WASF1: variants seen among roughly 807,000 people sequenced by gnomAD.
WASF1 encodes the protein WASP family member 1, also known as actin-binding protein WASF1.
WASF1 carries 7 observed loss-of-function variants against 50.5 expected under a neutral mutation model. That is an observed-to-expected ratio of 0.14 (90% CI 0.08 to 0.26). WASF1 has a LOEUF of 0.26. WASF1 is among the 10% of genes least tolerant of loss of function. The pLI is 1.00. For missense variants in WASF1, 470 were observed against 694.7 expected (o/e 0.68, Z 3.64); for synonymous variants, 205 against 244.0 (o/e 0.84, Z 1.49).
chr6:110,140,647 G>A (rs1246344193), intron 3 of WASF1, among the ~76,000 whole-genome samples: 1 of 152,124 alleles, frequency 6.6e-6, no homozygotes, highest in East Asian at 1.9e-4. Flanking sequence ...TGGTGTGCGG[G>A]GAAAAACCCC....
At chr6:110,171,487 C>T (rs199513760) in intron 2 of WASF1, among the ~76,000 whole-genome samples, 10,736 of 151,986 alleles carry the variant, frequency 0.071, 491 homozygotes, top group African/African-American at 0.14. Context: ...CAGTTTATAA[C>T]GGGGTTGTAT....
At chr6:110,113,152 G>A (rs1384511063) in intron 5 of WASF1, among the ~76,000 whole-genome samples, 174 bp downstream of exon 5, 4 of 151,970 alleles carry the variant, frequency 2.6e-5, no homozygotes, top group East Asian at 1.9e-4. Context: ...AGAAAAGCCC[G>A]GAGAATCATA....
At chr6:110,112,222 T>A (rs1052858411) in intron 5 of WASF1, among the ~76,000 whole-genome samples, 1 of 152,110 alleles carries the variant, frequency 6.6e-6, no homozygotes, top group Non-Finnish European at 1.5e-5. Flanking sequence ...ATTAGATCTA[T>A]CATATAATTT....
At chr6:110,128,699 G>A (rs1774521372) in intron 3 of WASF1, among the ~76,000 whole-genome samples, 1 of 152,132 alleles carries the variant, frequency 6.6e-6, no homozygotes, top group South Asian at 2.1e-4. Flanking sequence ...TTCATTTCTA[G>A]TACTCTAGTC....
At chr6:110,149,770 T>A (rs182616631) in intron 3 of WASF1, among the ~76,000 whole-genome samples, 3 of 152,278 alleles carry the variant, frequency 2.0e-5, no homozygotes, top group African/African-American at 7.2e-5. Flanking sequence ...GATAAGTGAT[T>A]TGGTAGTGAT....
intron 2 of WASF1, among the ~76,000 whole-genome samples, chr6:110,173,337 T>C (rs1776795139): frequency 6.6e-6 from 1 of 152,128 alleles, no homozygotes; most frequent in South Asian, 2.1e-4. Flanking sequence ...CAAAAAAACT[T>C]TGCTGTCATC....
intron 3 of WASF1, among the ~76,000 whole-genome samples, chr6:110,140,552 A>G (rs150635925): frequency 3.9e-4 from 59 of 152,156 alleles, no homozygotes; most frequent in Non-Finnish European, 6.3e-4. Flanking sequence ...AATCTATGGG[A>G]TCTGACACTA....
intron 7 of WASF1, 140 bp downstream of exon 7, chr6:110,106,937 G>C: frequency 3.2e-6 from 2 of 624,124 alleles, no homozygotes; most frequent in South Asian, 2.0e-5. Flanking sequence ...TCTTTCTGTG[G>C]AGTTATAAAG....
intron 4 of WASF1, among the ~76,000 whole-genome samples, chr6:110,117,966 G>A (rs1349188971): frequency 1.3e-5 from 2 of 152,120 alleles, no homozygotes; most frequent in Non-Finnish European, 2.9e-5. Context: ...CAAATGCTGA[G>A]AGATTTTGTC....
chr6:110,171,925 T>C (rs1221755272), intron 2 of WASF1, among the ~76,000 whole-genome samples: 2 of 152,174 alleles, frequency 1.3e-5, no homozygotes, highest in South Asian at 4.1e-4. Context: ...AACAGACACA[T>C]GAAAAAATGC....
intron 3 of WASF1, among the ~76,000 whole-genome samples, chr6:110,154,729 A>G (rs1328137073): frequency 6.6e-6 from 1 of 152,088 alleles, no homozygotes; most frequent in Non-Finnish European, 1.5e-5. Context: ...GAACAAACAA[A>G]CACACCACAA....
intron 2 of WASF1, among the ~76,000 whole-genome samples, chr6:110,164,131 G>C (rs750690272): frequency 6.6e-6 from 1 of 151,504 alleles, no homozygotes; most frequent in South Asian, 2.1e-4. Context: ...AGAAAATCAA[G>C]ATGACTTTGG....
intron 2 of WASF1, among the ~76,000 whole-genome samples, chr6:110,173,759 C>G (rs552235709): frequency 6.6e-6 from 1 of 152,312 alleles, no homozygotes; most frequent in South Asian, 2.1e-4. Flanking sequence ...GGGCAAGAAA[C>G]AAGGCCATTA....
At chr6:110,170,278 A>T (rs1463963833) in intron 2 of WASF1, among the ~76,000 whole-genome samples, 3 of 152,104 alleles carry the variant, frequency 2.0e-5, no homozygotes, top group Non-Finnish European at 4.4e-5. Context: ...ACCGGAGTAT[A>T]GTGGTGCAAT....
At chr6:110,136,075 G>A (rs1288134571) in intron 3 of WASF1, among the ~76,000 whole-genome samples, 3 of 151,418 alleles carry the variant, frequency 2.0e-5, no homozygotes, top group African/African-American at 4.9e-5. Context: ...TAGTAGAGAC[G>A]GGGCTTCACT....
chr6:110,116,597 C>T (rs1434730216), intron 4 of WASF1, among the ~76,000 whole-genome samples: 5 of 152,202 alleles, frequency 3.3e-5, no homozygotes, highest in Admixed American at 6.5e-5. Flanking sequence ...TGGGGAAGGA[C>T]GTAGTAGAAC....
chr6:110,152,035 C>G (rs1291524712), intron 3 of WASF1, among the ~76,000 whole-genome samples: 2 of 152,106 alleles, frequency 1.3e-5, no homozygotes, highest in African/African-American at 4.8e-5. Flanking sequence ...CGCATGATAT[C>G]CAGTCCCTAG....
chr6:110,169,504 A>G (rs1329801699), intron 2 of WASF1, among the ~76,000 whole-genome samples: 1 of 152,146 alleles, frequency 6.6e-6, no homozygotes, highest in African/African-American at 2.4e-5. Context: ...AAACAGTTGC[A>G]TCTCATCAAA....
intron 3 of WASF1, among the ~76,000 whole-genome samples, chr6:110,142,186 T>C (rs1775274193): frequency 6.6e-6 from 1 of 152,206 alleles, no homozygotes; most frequent in Non-Finnish European, 1.5e-5. Context: ...ATGGATCATA[T>C]CTTACTCATT....
Sources: gnomAD v4.1 joint callset for allele counts (sites outside exome capture counted in the v4.1 genomes callset) on GRCh38, gnomAD v4.1.1 for gene constraint, MANE v1.5 for transcripts, NCBI Gene and HGNC (gene_info 2026-07-23, HGNC 2026-07-21) for gene names.